Variants in MAP4K3 observed in about 807,000 individuals in gnomAD.
MAP4K3 encodes MAPK/ERK kinase kinase kinase 3.
Under a neutral mutation model 143.5 loss-of-function variants are expected in MAP4K3, and 94 were observed. That is an observed-to-expected ratio of 0.65 (90% CI 0.55 to 0.78). The LOEUF (loss-of-function observed/expected upper bound fraction) is 0.78. Among genes scored for constraint, MAP4K3 ranks in the 30% least tolerant of loss-of-function variants. The pLI is 0.00. For missense variants in MAP4K3, 1,077 were observed against 1,068.1 expected, an observed-to-expected ratio of 1.01 and a Z score of -0.12; for synonymous variants, 416 against 347.2, an observed-to-expected ratio of 1.20 and a Z score of -2.20.
chr2:39,313,807 C>T (rs934208433), intron 13 of MAP4K3, among the ~76,000 whole-genome samples: 2 of 152,060 alleles, frequency 1.3e-5, no homozygotes, highest in African/African-American at 4.8e-5. Flanking sequence ...AGTCACTGTG[C>T]CCAGCCTAGA....
At chr2:39,303,421 T>A (rs574063179) in intron 15 of MAP4K3, among the ~76,000 whole-genome samples, 1 of 152,312 alleles carries the variant, frequency 6.6e-6, no homozygotes, top group African/African-American at 2.4e-5. Flanking sequence ...ATATGACTTT[T>A]GTACTGCAGG....
Position 39,260,635 on chromosome 2 carries a change from T to C in MAP4K3, c.2279A>G (p.Asn760Ser), listed in dbSNP as rs1050421105. The C allele has an allele frequency of 6.2e-6, 10 of 1,614,112 alleles. No homozygotes were observed. The highest frequency in any genetic ancestry group is 1.1e-5 in the South Asian group (1 of 91,072). ...TTCTGTAAACCATGAAGAGGTAGAA[T>C]TTGGATTGACCGTCTCAAATCGAAC... is the stretch of plus-strand genomic sequence containing the variant. The part of the protein sequence containing the change: ...QVVRFETVNP[N>S]STSSWFTESD... Residue 760 changes from asparagine (N) to serine (S), a missense_variant, in exon 29 of 34, where the codon AAT becomes AGT. Asn to Ser is a conservative substitution (Grantham distance 46). Around this residue, in one of 2 missense-constraint regions of MAP4K3, gnomAD observed 864 missense variants for 801.2 expected, o/e 1.08. Transcript: ENST00000263881.
Position 39,286,982 on chromosome 2 carries a change from C to T in MAP4K3, c.1475-18G>A, listed in dbSNP as rs377630697. ...TCCATTTCCTTCAATAAGATATATTCATTGAAAATGATTAATCTTCATGAA... is the reference window on the plus strand; with the variant it reads ...TCCATTTCCTTCAATAAGATATATTTATTGAAAATGATTAATCTTCATGAA... On this transcript the variant is annotated intron_variant, in intron 20 of 33. Transcript: ENST00000263881. 136 of 1,469,396 alleles carry T rather than the reference C, an allele frequency of 9.3e-5. 1 individual carries two copies. The highest frequency in any genetic ancestry group is 1.1e-4 in the Admixed American group (6 of 52,538). 91.0% of individuals were successfully genotyped at this position (1,469,396 alleles called of 1,614,324 possible).
At position 39,343,470 on chromosome 2, in the gene MAP4K3, G is replaced by T. The variant is rs1280082914; in HGVS notation, c.246-18C>A. 1 of 1,604,706 alleles carries T rather than the reference G, an allele frequency of 6.2e-7. No individual in the cohort carries two copies. Among genetic ancestry groups the T allele is most frequent in the Non-Finnish European group, 8.5e-7 (1 of 1,172,908 alleles). On this transcript the variant is annotated intron_variant, in intron 3 of 33. Coordinates refer to ENST00000263881, the MANE Select transcript of MAP4K3 (RefSeq NM_003618.4). ...TATCTCGCCTATAAAGAGAAAAGAAGCATGTATCATATTTTCATGATTAAA... is the reference window on the plus strand; with the variant it reads ...TATCTCGCCTATAAAGAGAAAAGAATCATGTATCATATTTTCATGATTAAA...
At chr2:39,430,251 AT>A (rs927680610) in intron 1 of MAP4K3, among the ~76,000 whole-genome samples, 1 of 152,230 alleles carries the variant, frequency 6.6e-6, no homozygotes, top group African/African-American at 2.4e-5. Context: ...TACAGAAAGA[AT>A]TTTTACAATC....
intron 13 of MAP4K3, 37 bp from the exon 14 acceptor site, chr2:39,309,556 T>A (rs1270291140): frequency 1.7e-6 from 2 of 1,192,534 alleles, no homozygotes; most frequent in Non-Finnish European, 2.3e-6. Flanking sequence ...GGATTTTTTT[T>A]TTTTTTTTTT....
intron 2 of MAP4K3, among the ~76,000 whole-genome samples, chr2:39,364,133 T>C (rs1486881111): frequency 1.3e-5 from 2 of 151,888 alleles, no homozygotes; most frequent in African/African-American, 4.8e-5. Context: ...AAAATAGAAA[T>C]GCAATATGAT....
At chr2:39,255,305 G>C (rs555028530) in intron 31 of MAP4K3, among the ~76,000 whole-genome samples, 15 of 152,296 alleles carry the variant, frequency 9.8e-5, no homozygotes, top group African/African-American at 3.6e-4. Context: ...CCCATAGATA[G>C]AATTACTGAA....
intron 2 of MAP4K3, among the ~76,000 whole-genome samples, chr2:39,370,363 C>T (rs2888598): frequency 0.89 from 134,710 of 152,184 alleles, 59,827 homozygotes; most frequent in Non-Finnish European, 0.92. Context: ...TGAATAAGCA[C>T]ATGGTGGCAA....
intron 7 of MAP4K3, among the ~76,000 whole-genome samples, chr2:39,332,445 A>T (rs1683712958): frequency 1.3e-5 from 2 of 152,058 alleles, no homozygotes; most frequent in African/African-American, 2.4e-5. Flanking sequence ...TTGAAAAGAC[A>T]TCCAATCAGA....
At chr2:39,263,722 T>C (rs17023484) in intron 28 of MAP4K3, among the ~76,000 whole-genome samples, 15,613 of 152,162 alleles carry the variant, frequency 0.1, 2,726 homozygotes, top group African/African-American at 0.36. Context: ...AGTAGTATTG[T>C]ACTACAGGTT....
At chr2:39,293,021 G>A (rs923009563) in intron 17 of MAP4K3, among the ~76,000 whole-genome samples, 195 bp from the exon 18 acceptor site, 5 of 152,154 alleles carry the variant, frequency 3.3e-5, no homozygotes, top group African/African-American at 1.2e-4. Flanking sequence ...GGAGGATGAG[G>A]TGGAAAGATC....
At chr2:39,376,396 T>G (rs767157462) in intron 2 of MAP4K3, among the ~76,000 whole-genome samples, 2 of 152,242 alleles carry the variant, frequency 1.3e-5, no homozygotes, top group Non-Finnish European at 2.9e-5. Context: ...TTTTGTATAG[T>G]TGTATATTCT....
intron 26 of MAP4K3, among the ~76,000 whole-genome samples, chr2:39,269,382 T>C (rs886525536): frequency 6.6e-6 from 1 of 151,868 alleles, no homozygotes; most frequent in African/African-American, 2.4e-5. Flanking sequence ...CTATGTGCCA[T>C]GCATTTTAGA....
At chr2:39,331,884 C>A in intron 8 of MAP4K3, 33 bp downstream of exon 8, 5 of 1,353,892 alleles carry the variant, frequency 3.7e-6, no homozygotes, top group South Asian at 1.4e-5. Context: ...AATGATAGAA[C>A]AAAGTATTAA....
chr2:39,345,357 T>C (rs1379830095), intron 3 of MAP4K3, among the ~76,000 whole-genome samples: 3 of 152,128 alleles, frequency 2.0e-5, no homozygotes, highest in South Asian at 2.1e-4. Flanking sequence ...TTCGAAGTTA[T>C]AGTGATCTAT....
At chr2:39,280,511 A>T (rs578154555) in intron 22 of MAP4K3, among the ~76,000 whole-genome samples, 155 bp from the exon 23 acceptor site, 76 of 152,282 alleles carry the variant, frequency 5.0e-4, no homozygotes, top group Admixed American at 2.2e-3. Context: ...GTAAGAAATC[A>T]TCATAGTCAT....
At chr2:39,325,317 T>C (rs1035900748) in intron 12 of MAP4K3, among the ~76,000 whole-genome samples, 1 of 152,182 alleles carries the variant, frequency 6.6e-6, no homozygotes, top group Non-Finnish European at 1.5e-5. Context: ...TATAGTCACC[T>C]ATAAGTAGTC....
intron 29 of MAP4K3, 142 bp downstream of exon 29, chr2:39,260,464 A>C: frequency 1.5e-6 from 1 of 683,110 alleles, no homozygotes; most frequent in Non-Finnish European, 2.4e-6. Flanking sequence ...TAAAGAGAGT[A>C]ATCTTCCCTT....
Sources: allele counts gnomAD v4.1 joint callset (sites outside exome capture counted in the v4.1 genomes callset), GRCh38; gene constraint gnomAD v4.1.1; regional missense constraint gnomAD v4.1.1; transcripts MANE v1.5; gene names NCBI Gene and HGNC (gene_info 2026-07-23, HGNC 2026-07-21).